DNM1L: variants seen among roughly 807,000 people sequenced by gnomAD.
DNM1L encodes dynamin 1L.
In DNM1L, 33 loss-of-function variants were observed where a neutral mutation model predicts 92.8. The observed-to-expected ratio is 0.36, with a 90% CI of 0.27 to 0.48. The LOEUF is 0.48. Among genes scored for constraint, DNM1L ranks in the 20% least tolerant of loss-of-function variants. The pLI is 0.99. For synonymous variants in DNM1L, 284 were observed against 305.0 expected (o/e 0.93, Z 0.72); for missense variants, 485 against 888.8 (o/e 0.55, Z 5.78).
In DNM1L at chr12:32,710,911, T is replaced by C. The variant is rs370233818; in HGVS notation, c.370-18T>C. 6.4e-7 allele frequency: 1 copy of C among 1,557,584 alleles called. No homozygotes were observed. The highest frequency in any genetic ancestry group is 1.2e-5 in the South Asian group (1 of 85,846). On this transcript the variant is annotated intron_variant, in intron 4 of 19. Transcript: ENST00000549701. ...ATAGTTCATTGAAATTTTAATATAT[T>C]TTAAAATTTATTTTTAGGGAGTAAG...
chr12:32,722,811 G>C, intron 9 of DNM1L, 178 bp downstream of exon 9: 1 of 401,746 alleles, frequency 2.5e-6, no homozygotes, highest in South Asian at 7.0e-5. Flanking sequence ...CTTTGTAAAT[G>C]ATATAAAGCA....
At chr12:32,703,629 A>AAG (rs1952803030) in intron 2 of DNM1L, among the ~76,000 whole-genome samples, 1 of 151,864 alleles carries the variant, frequency 6.6e-6, no homozygotes. Context: ...AAAAAAAAAA[A>AAG]AAAGAAATCA....
chr12:32,710,518 G>A (rs1953084779), intron 4 of DNM1L, among the ~76,000 whole-genome samples: 1 of 151,802 alleles, frequency 6.6e-6, no homozygotes, highest in African/African-American at 2.4e-5. Context: ...TACTCAGGAG[G>A]CTAAGGCAAG....
At position 32,740,181 on chromosome 12, in the gene DNM1L, C is replaced by T. The variant is rs1719280410; in HGVS notation, c.1825C>T (p.Pro609Ser). ...EELLAEEKSK[P>S]IPIMPASPQK... ...GTTATTAGCAGAAGAAAAATCAAAA[C>T]CCATTCCAATTATGCCAGCCAGTCC... The change falls in exon 17 of 20, where the codon CCC (proline) becomes TCC (serine). Residue 609 changes from proline (P) to serine (S), a missense_variant. By Grantham distance (74) the Pro-to-Ser change is moderately conservative. Transcript: ENST00000549701. 1 of 1,614,116 alleles carries T rather than the reference C, an allele frequency of 6.2e-7. No homozygotes were observed. The highest frequency in any genetic ancestry group is 1.1e-5 in the South Asian group (1 of 91,080).
chr12:32,697,278 A>T (rs10844306), intron 1 of DNM1L, among the ~76,000 whole-genome samples: 23,401 of 152,012 alleles, frequency 0.15, 1,910 homozygotes, highest in Middle Eastern at 0.21. Flanking sequence ...TTTGAAGAAT[A>T]TTTTTCCCAT....
Position 32,739,918 on chromosome 12 carries a change from A to G in DNM1L, c.1708-146A>G, listed in dbSNP as rs1955165448. ...AGGGTTCCAGTTATACATGCTACCT[A>G]GTGTCTCCTTCTGACCTCATTATCT... is the stretch of plus-strand genomic sequence containing the variant. On this transcript the variant is annotated intron_variant, in intron 16 of 19. Coordinates refer to ENST00000549701, the MANE Select transcript of DNM1L (RefSeq NM_012062.5). The G allele has an allele frequency of 8.4e-6, 8 of 957,332 alleles. No homozygotes were observed. In the Admixed American group the frequency reaches 1.2e-4, roughly 15 times the overall value. The allele number at this position is 957,332 out of a possible 1,614,324, so 59.3% of individuals were successfully genotyped here.
In DNM1L at chr12:32,743,827, G is replaced by A. The variant is rs1955480331; in HGVS notation, c.*417G>A. The stretch of plus-strand genomic sequence containing the variant: ...AACATTTCATATGACTATAATGCAT[G>A]TACTATATAAGCTGATCTGGCTTTG... On this transcript the variant is annotated 3_prime_UTR_variant, in exon 20 of 20. Transcript: ENST00000549701. 4.9e-6 allele frequency: 1 copy of A among 203,204 alleles called. No homozygotes were observed. Among genetic ancestry groups the A allele is most frequent in the Admixed American group, 5.3e-5 (1 of 18,840 alleles). The allele number at this position is 203,204 out of a possible 1,614,324, so 12.6% of individuals were successfully genotyped here. A position where few individuals can be genotyped will look rare whatever the true frequency, so the allele number is the denominator to read the frequency against.
rs1347915674 is a variant in DNM1L, at chr12:32,745,029, A to G, written c.*1619A>G. 1.9e-6 allele frequency: 1 copy of G among 513,784 alleles called. No homozygotes were observed. Among genetic ancestry groups the G allele is most frequent in the Non-Finnish European group, 3.9e-6 (1 of 258,428 alleles). The allele number at this position is 513,784 out of a possible 1,614,324, so 31.8% of individuals were successfully genotyped here. A position where few individuals can be genotyped will look rare whatever the true frequency, so the allele number is the denominator to read the frequency against. Reference sequence around the variant, plus strand: ...GAATATGTTAACTTTAGCTTATGGCATCAATTTACTAAGGAACAACAGGCT... The same window carrying G: ...GAATATGTTAACTTTAGCTTATGGCGTCAATTTACTAAGGAACAACAGGCT... On this transcript the variant is annotated 3_prime_UTR_variant, in exon 20 of 20. Coordinates refer to ENST00000549701, the MANE Select transcript of DNM1L (RefSeq NM_012062.5).
At chr12:32,726,589 C>T (rs1254251031) in intron 9 of DNM1L, 3 of 1,183,298 alleles carry the variant, frequency 2.5e-6, no homozygotes, top group African/African-American at 1.5e-5. Context: ...TTGAAGTCTG[C>T]AGCAAGGATA....
intron 5 of DNM1L, among the ~76,000 whole-genome samples, chr12:32,711,610 C>G (rs1953128018): frequency 1.3e-5 from 2 of 151,998 alleles, no homozygotes; most frequent in South Asian, 4.1e-4. Flanking sequence ...CCTTGGCCAT[C>G]TCTGTTTGGT....
chr12:32,727,084 C>T (rs1954195641), intron 9 of DNM1L: 3 of 724,682 alleles, frequency 4.1e-6, no homozygotes, highest in Non-Finnish European at 7.7e-6. Flanking sequence ...TCTTTTTCTT[C>T]ATCGTTTTTC....
At position 32,679,641 on chromosome 12, in the gene DNM1L, C is replaced by G. The variant is rs1951726759; in HGVS notation, c.102+176C>G. ...TCCGGGCTCTGCCGCACCCGCCCTC[C>G]CGGGGCAGCGTTGCATCAAGGCGGA... On this transcript the variant is annotated intron_variant, in intron 1 of 19. Coordinates refer to ENST00000549701, the MANE Select transcript of DNM1L (RefSeq NM_012062.5). The G allele has an allele frequency of 8.3e-6, 11 of 1,327,250 alleles. 1 individual carries two copies. The South Asian group carries it at 2.1e-4, about 25-fold the overall frequency. 82.2% of individuals were successfully genotyped at this position (1,327,250 alleles called of 1,614,324 possible).
chr12:32,694,440 A>G (rs769252884), intron 1 of DNM1L, among the ~76,000 whole-genome samples: 1 of 152,198 alleles, frequency 6.6e-6, no homozygotes, highest in African/African-American at 2.4e-5. Context: ...TTTGTGACTG[A>G]CTAACTTTAA....
rs528660822 is a variant in DNM1L, at chr12:32,691,875, T to C, written c.103-9540T>C. On this transcript the variant is annotated intron_variant, in intron 1 of 19. Coordinates refer to ENST00000549701, the MANE Select transcript of DNM1L (RefSeq NM_012062.5). ...TACGACATCTTCAGGTCTCAATTGC[T>C]GCACATAAATATTGAGAGAAGAGAC... is the stretch of plus-strand genomic sequence containing the variant. 1.2e-4 allele frequency among the ~76,000 whole-genome samples: 18 copies of C among 152,084 alleles called. No homozygotes were observed. In the South Asian group the frequency reaches 2.5e-3, roughly 21 times the overall value.
Position 32,745,083 on chromosome 12 carries a change from C to T in DNM1L, c.*1673C>T, listed in dbSNP as rs753720601. ...CAACTGATGTCAAACATAAAAACCC[C>T]CACATCAGTCTGATACGATATGGTA... On this transcript the variant is annotated 3_prime_UTR_variant, in exon 20 of 20. Transcript: ENST00000549701. The T allele has an allele frequency of 6.2e-6, 3 of 485,472 alleles. No homozygotes were observed. In the Admixed American group the frequency reaches 6.6e-5, roughly 11 times the overall value. 30.1% of individuals were successfully genotyped at this position (485,472 alleles called of 1,614,324 possible).
At chr12:32,726,480 C>T in intron 9 of DNM1L, 2 of 1,110,620 alleles carry the variant, frequency 1.8e-6, no homozygotes, top group South Asian at 1.2e-5. Context: ...TGCTTCTTCA[C>T]CTTCTTCATC....
intron 16 of DNM1L, chr12:32,739,831 A>G (rs1055530672): frequency 3.5e-5 from 19 of 538,452 alleles, no homozygotes; most frequent in African/African-American, 2.3e-4. Flanking sequence ...TAAATAGAAC[A>G]TAAGTTGGTT....
At chr12:32,737,068 C>T (rs1214455941) in intron 13 of DNM1L, 37 bp from the exon 14 acceptor site, 3 of 1,611,276 alleles carry the variant, frequency 1.9e-6, no homozygotes, top group Middle Eastern at 1.7e-4. Flanking sequence ...TATCTCAATA[C>T]TTGGATAATC....
chr12:32,699,503 G>T (rs1469592745), intron 1 of DNM1L, among the ~76,000 whole-genome samples: 1 of 152,106 alleles, frequency 6.6e-6, no homozygotes, highest in African/African-American at 2.4e-5. Context: ...ATTTAAATGA[G>T]CTGTCGGTAT....
Sources: allele counts gnomAD v4.1 joint callset (sites outside exome capture counted in the v4.1 genomes callset), GRCh38; gene constraint gnomAD v4.1.1; transcripts MANE v1.5; gene names NCBI Gene and HGNC (gene_info 2026-07-23, HGNC 2026-07-21).